The following IVD variants were observed in gnomAD, a reference collection of about 807,000 sequenced individuals.
The protein encoded by IVD is isovaleryl-CoA dehydrogenase.
A neutral mutation model predicts 51.3 loss-of-function variants in IVD; 31 were observed. That is an observed-to-expected ratio of 0.60 (90% CI 0.45 to 0.81). IVD has a LOEUF of 0.81. IVD is among the 40% of genes least tolerant of loss of function. The probability of loss-of-function intolerance (pLI) is 0.00; values close to 1 mark genes in which losing one functional copy is unlikely to be tolerated. For synonymous variants in IVD, 205 were observed against 219.4 expected (o/e 0.93, Z 0.58); for missense variants, 475 against 552.0 (o/e 0.86, Z 1.40).
At chr15:40,410,849 T>G (rs750680257) in intron 4 of IVD, 52 bp downstream of exon 4, 4 of 1,596,524 alleles carry the variant, frequency 2.5e-6, no homozygotes, top group Non-Finnish European at 3.4e-6. Flanking sequence ...AACCACCAAC[T>G]AAAAGATACC....
chr15:40,415,989 C>T, intron 9 of IVD, 89 bp from the exon 10 acceptor site: 3 of 1,129,044 alleles, frequency 2.7e-6, no homozygotes, highest in Non-Finnish European at 4.0e-6. Flanking sequence ...CTTCCTCATC[C>T]TTGGCTGTCT....
chr15:40,419,389 T>A lies in IVD; in HGVS notation c.*1126T>A. 1 of 380,084 alleles carries A rather than the reference T, an allele frequency of 2.6e-6. No homozygotes were observed. Among genetic ancestry groups the A allele is most frequent in the Non-Finnish European group, 4.9e-6 (1 of 203,934 alleles). The allele number at this position is 380,084 out of a possible 1,614,324, so 23.5% of individuals were successfully genotyped here. ...AGCCAGGGGTGGTGGTGCACGTCTG[T>A]AATCCCAGCTACTCAGGAGGCTGAG... On this transcript the variant is annotated 3_prime_UTR_variant, in exon 12 of 12. Coordinates refer to ENST00000487418, the MANE Select transcript of IVD (RefSeq NM_002225.5).
At chr15:40,415,541 A>G in intron 9 of IVD, 59 bp downstream of exon 9, 1 of 1,465,158 alleles carries the variant, frequency 6.8e-7, no homozygotes, top group Non-Finnish European at 9.5e-7. Context: ...TTTCTTTGAA[A>G]AGAGAGGAAG....
chr15:40,425,962 G>A (rs912522936), downstream of IVD, among the ~76,000 whole-genome samples: 11 of 120,090 alleles, frequency 9.2e-5, no homozygotes, highest in Non-Finnish European at 1.2e-4. Context: ...GGCCCAGTCC[G>A]GCTATTTTTT....
chr15:40,413,677 T>G (rs1891332664), intron 7 of IVD, among the ~76,000 whole-genome samples: 7 of 101,372 alleles, frequency 6.9e-5, no homozygotes, highest in Admixed American at 3.3e-4. Context: ...TTTTTTTGTT[T>G]TTTTTGTTTG....
chr15:40,407,791 GA>G, intron 2 of IVD, 66 bp downstream of exon 2: 1 of 1,467,502 alleles, frequency 6.8e-7, no homozygotes, highest in Middle Eastern at 2.1e-4. Flanking sequence ...CTGCTGCCTG[GA>G]AGAGCTCACA....
rs1319705053 is a variant in IVD at position 40,416,103 on chromosome 15, T to C, written c.986T>C (p.Met329Thr). 14 of 1,614,132 alleles carry C rather than the reference T, an allele frequency of 8.7e-6. No individual in the cohort carries two copies. Among genetic ancestry groups the C allele is most frequent in the African/African-American group, 1.3e-5 (1 of 74,946 alleles). ...TTGATGCAGGGGAAGATGGCTGACA[T>C]GTACACCCGCCTCATGGCGTGTCGG... ...FQLMQGKMAD[M>T]YTRLMACRQY... The change falls in exon 10 of 12, where the codon ATG becomes ACG. Residue 329 changes from methionine to threonine, a missense_variant. Transcript: ENST00000487418.
At position 40,411,543 on chromosome 15, in the gene IVD, TC is replaced by T. The variant is rs1424353370; in HGVS notation, c.551-10del. The stretch of plus-strand genomic sequence containing the variant: ...AGATGGCTTGAGCAAATAGCCAACA[TC>T]CTGCCCTTAGGAAATCACTACATCC... On this transcript the variant is annotated splice_polypyrimidine_tract_variant and intron_variant, in intron 5 of 11. Coordinates refer to ENST00000487418, the MANE Select transcript of IVD (RefSeq NM_002225.5). The T allele has an allele frequency of 6.2e-7, 1 of 1,614,048 alleles. No individual in the cohort carries two copies. Among genetic ancestry groups the T allele is most frequent in the East Asian group, 2.2e-5 (1 of 44,896 alleles).
chr15:40,407,600 G>A (rs752946391), intron 1 of IVD, 36 bp from the exon 2 acceptor site: 1 of 1,446,010 alleles, frequency 6.9e-7, no homozygotes, highest in South Asian at 1.1e-5. Context: ...TGGAGATGCT[G>A]TCTGCAGTGG....
Position 40,416,334 on chromosome 15 carries a change from G to A in IVD, c.1110G>A (p.Gln370=). The A allele has an allele frequency of 1.2e-6, 2 of 1,614,208 alleles. No homozygotes were observed. The highest frequency in any genetic ancestry group is 1.7e-6 in the Non-Finnish European group (2 of 1,180,044). The change falls in exon 11 of 12, where the codon CAG becomes CAA. Residue 370 remains glutamine (Q), a synonymous_variant. Transcript: ENST00000487418. ...VILYSAECAT[Q]VALDGIQCFG... is the part of the protein sequence containing the mutation. ...TTTACTCAGCTGAGTGTGCCACACA[G>A]GTAGCCCTGGACGGCATTCAGTGTT...
chr15:40,408,781 T>A (rs1014767765), intron 3 of IVD, among the ~76,000 whole-genome samples: 2 of 152,050 alleles, frequency 1.3e-5, no homozygotes, highest in Admixed American at 1.3e-4. Flanking sequence ...AGAAACTCTG[T>A]CTCTACTAAA....
rs933999504 is a variant in IVD at position 40,420,269 on chromosome 15, T to C, written c.*2006T>C. ...CACGGGCACCATCCAGTCCTGGCCG[T>C]GTGACCACCCACAGCTGACTGGGCA... On this transcript the variant is annotated 3_prime_UTR_variant, in exon 12 of 12. Coordinates refer to ENST00000487418, the MANE Select transcript of IVD (RefSeq NM_002225.5). 3.0e-6 allele frequency: 3 copies of C among 987,524 alleles called. No individual in the cohort carries two copies. Among genetic ancestry groups the C allele is most frequent in the Non-Finnish European group, 3.6e-6 (3 of 830,188 alleles). 61.2% of individuals were successfully genotyped at this position (987,524 alleles called of 1,614,324 possible). A position where few individuals can be genotyped will look rare whatever the true frequency, so the allele number is the denominator to read the frequency against.
rs1318690451 is a variant in IVD at position 40,421,073 on chromosome 15, T to C, written c.*2810T>C. Reference sequence around the variant, plus strand: ...GGCAAGATCCTGGGCTCATAGGCAGTCCCTTTCACTTCCTTGTCTTGCTCC... The same window carrying C: ...GGCAAGATCCTGGGCTCATAGGCAGCCCCTTTCACTTCCTTGTCTTGCTCC... On this transcript the variant is annotated 3_prime_UTR_variant, in exon 12 of 12. Transcript: ENST00000487418. 8 of 985,308 alleles carry C rather than the reference T, an allele frequency of 8.1e-6. No individual in the cohort carries two copies. The highest frequency in any genetic ancestry group is 9.6e-6 in the Non-Finnish European group (8 of 829,954). The allele number at this position is 985,308 out of a possible 1,614,324, so 61.0% of individuals were successfully genotyped here.
intron 7 of IVD, chr15:40,414,279 G>A (rs1281117613): frequency 6.2e-6 from 1 of 160,818 alleles, no homozygotes; most frequent in African/African-American, 2.4e-5. Flanking sequence ...AGGGGGAGCT[G>A]TGCAGCTCCT....
intron 3 of IVD, among the ~76,000 whole-genome samples, chr15:40,408,685 T>C (rs1031924321): frequency 1.3e-5 from 2 of 152,102 alleles, no homozygotes; most frequent in African/African-American, 4.8e-5. Context: ...GCGTGGTTGC[T>C]CACACCTGTA....
Position 40,414,909 on chromosome 15 carries a change from G to A in IVD, c.805G>A (p.Glu269Lys), listed in dbSNP as rs759930248. 1 of 1,614,180 alleles carries A rather than the reference G, an allele frequency of 6.2e-7. No individual in the cohort carries two copies. Among genetic ancestry groups the A allele is most frequent in the South Asian group, 1.1e-5 (1 of 91,074 alleles). ...KIPAANILGH[E>K]NKGVYVLMSG... ...GGCAGCTGCCAACATCCTGGGCCAT[G>A]AGAATAAGGGTGTCTACGTGCTGAT... Residue 269 changes from glutamate (E) to lysine (K), a missense_variant, in exon 8 of 12, where the codon GAG (glutamate) becomes AAG (lysine). Physicochemically the swap from Glu to Lys is moderately conservative, Grantham distance 56 (BLOSUM62 1). Coordinates refer to ENST00000487418, the MANE Select transcript of IVD (RefSeq NM_002225.5).
intron 6 of IVD, among the ~76,000 whole-genome samples, chr15:40,412,411 A>G (rs1484142457): frequency 6.6e-6 from 1 of 152,152 alleles, no homozygotes; most frequent in Non-Finnish European, 1.5e-5. Flanking sequence ...TACCCTCCAT[A>G]GAGAGGGGGA....
At chr15:40,409,133 C>G (rs948577777) in intron 3 of IVD, among the ~76,000 whole-genome samples, 14 of 152,194 alleles carry the variant, frequency 9.2e-5, no homozygotes, top group Non-Finnish European at 5.9e-5. Context: ...CTGGGTACTC[C>G]TAAGCAAGAC....
intron 9 of IVD, 114 bp downstream of exon 9, chr15:40,415,596 A>G (rs1287269440): frequency 5.6e-6 from 5 of 892,012 alleles, no homozygotes; most frequent in Non-Finnish European, 9.0e-6. Context: ...TAGCAAATTG[A>G]GCTTGACTGC....
Sources: allele counts gnomAD v4.1 joint callset (sites outside exome capture counted in the v4.1 genomes callset), GRCh38; gene constraint gnomAD v4.1.1; transcripts MANE v1.5; gene names NCBI Gene and HGNC (gene_info 2026-07-23, HGNC 2026-07-21).